The following ZMIZ1 variants were observed in gnomAD, a reference collection of about 807,000 sequenced individuals.
ZMIZ1 encodes the protein zinc finger MIZ-type containing 1.
ZMIZ1 carries 17 observed loss-of-function variants against 113.9 expected under a neutral mutation model. The ratio of observed to expected loss-of-function variants is 0.15; its 90% CI spans 0.10 to 0.22. ZMIZ1 has a LOEUF of 0.22. Ranked by LOEUF, ZMIZ1 falls within the 10% of genes least tolerant of loss-of-function variation. ZMIZ1 has a pLI of 1.00. For synonymous variants in ZMIZ1, 607 were observed against 603.1 expected (o/e 1.01, Z -0.09); for missense variants, 1,059 against 1,477.8 (o/e 0.72, Z 4.65).
At chr10:79,285,586 C>T (rs932260689) in intron 8 of ZMIZ1, 2 of 456,072 alleles carry the variant, frequency 4.4e-6, no homozygotes, top group Non-Finnish European at 4.4e-6. Context: ...TCAGGCTTAA[C>T]GAAATGGACA....
intron 1 of ZMIZ1, among the ~76,000 whole-genome samples, chr10:79,100,040 G>A (rs1174004946): frequency 6.6e-6 from 1 of 152,098 alleles, no homozygotes. Flanking sequence ...ACACCCTGAT[G>A]CTCAGAGCAC....
chr10:79,268,435 C>T (rs755372287), intron 7 of ZMIZ1, among the ~76,000 whole-genome samples: 12 of 152,340 alleles, frequency 7.9e-5, no homozygotes, highest in Admixed American at 3.3e-4. Flanking sequence ...GTTTAAAGGC[C>T]GCTGAGCGCC....
intron 7 of ZMIZ1, among the ~76,000 whole-genome samples, chr10:79,238,795 T>C (rs1849696993): frequency 6.6e-6 from 1 of 152,208 alleles, no homozygotes; most frequent in Non-Finnish European, 1.5e-5. Context: ...TTCTGTACAG[T>C]GGAAATAGCT....
chr10:79,243,873 C>G (rs1451052209), intron 7 of ZMIZ1: 1 of 157,412 alleles, frequency 6.4e-6, no homozygotes, highest in African/African-American at 2.4e-5. Context: ...GCGCCGTGTG[C>G]TGCATGGTGT....
At position 79,151,513 on chromosome 10, in the gene ZMIZ1, G is replaced by C. The variant is rs1845708520; in HGVS notation, c.-130-10540G>C. 1.3e-5 allele frequency among the ~76,000 whole-genome samples: 2 copies of C among 152,224 alleles called. 1 individual carries two copies. Among genetic ancestry groups the C allele is most frequent in the African/African-American group, 4.8e-5 (2 of 41,448 alleles). Reference sequence around the variant, plus strand: ...CACACTCATCCGGTGTTGGAGCCCTGATTCAAGAGGGGTCATGGGGCAAAG... The same window carrying C: ...CACACTCATCCGGTGTTGGAGCCCTCATTCAAGAGGGGTCATGGGGCAAAG... On this transcript the variant is annotated intron_variant, in intron 3 of 24. Transcript: ENST00000334512.
In ZMIZ1 at chr10:79,102,403, C is replaced by T. The variant is rs141006610; in HGVS notation, c.-336-16512C>T. Among the ~76,000 whole-genome samples the T allele has an allele frequency of 5.0e-4, 76 of 152,330 alleles. 2 individuals are homozygous for T. Among genetic ancestry groups the T allele is most frequent in the African/African-American group, 1.7e-3 (69 of 41,566 alleles). On this transcript the variant is annotated intron_variant, in intron 1 of 24. Coordinates refer to ENST00000334512, the MANE Select transcript of ZMIZ1 (RefSeq NM_020338.4). ...CACCCGGGAGAGAAGGCCTCCTTTG[C>T]CCCGCCCTCTGCTCCATCAGCCTCA...
In ZMIZ1 at chr10:79,069,395, CG is replaced by C. The variant is rs1842168834; in HGVS notation, c.-337+129del. The C allele has an allele frequency of 6.7e-6, 1 of 149,684 alleles. No individual in the cohort carries two copies. The highest frequency in any genetic ancestry group is 2.1e-4 in the South Asian group (1 of 4,760). 9.3% of individuals were successfully genotyped at this position (149,684 alleles called of 1,614,324 possible). A position where few individuals can be genotyped will look rare whatever the true frequency, so the allele number is the denominator to read the frequency against. The stretch of plus-strand genomic sequence containing the variant: ...TTTTCCCTTAAAGTGTCCCCCGGAG[CG>C]GGGCGACCGGCCGGCGGCGCGGGCT... On this transcript the variant is annotated intron_variant, in intron 1 of 24. Transcript: ENST00000334512. The surrounding 1 kb of genome is among the most constrained non-coding windows in gnomAD (Gnocchi z 4.6).
At chr10:79,106,834 A>G (rs1170918003) in intron 1 of ZMIZ1, among the ~76,000 whole-genome samples, 2 of 152,262 alleles carry the variant, frequency 1.3e-5, no homozygotes, top group Non-Finnish European at 2.9e-5. Flanking sequence ...ATGTAACACT[A>G]CCTCACTACA....
intron 4 of ZMIZ1, among the ~76,000 whole-genome samples, chr10:79,191,798 T>G (rs1385922342): frequency 1.3e-5 from 2 of 152,192 alleles, no homozygotes; most frequent in Non-Finnish European, 2.9e-5. Flanking sequence ...CCTAAGCAAA[T>G]CATTGCACCT....
At chr10:79,290,767 C>T (rs1589575832) in intron 9 of ZMIZ1, 192 bp from the exon 10 acceptor site, 1 of 730,636 alleles carries the variant, frequency 1.4e-6, no homozygotes, top group African/African-American at 1.7e-5. Flanking sequence ...ATCCCCCACG[C>T]CACCTGCCGC....
intron 1 of ZMIZ1, among the ~76,000 whole-genome samples, chr10:79,098,599 C>T (rs949803286): frequency 4.6e-5 from 7 of 152,226 alleles, no homozygotes; most frequent in African/African-American, 1.7e-4. Context: ...TCAGTGAACC[C>T]ACCAGTCACC....
At chr10:79,289,720 G>T in intron 8 of ZMIZ1, 55 bp from the exon 9 acceptor site, 2 of 1,541,136 alleles carry the variant, frequency 1.3e-6, no homozygotes, top group Non-Finnish European at 1.8e-6. Flanking sequence ...GGCATGGCCT[G>T]TCTTGAGTCT....
intron 7 of ZMIZ1, among the ~76,000 whole-genome samples, chr10:79,236,867 T>A (rs1240873576): frequency 6.6e-6 from 1 of 152,222 alleles, no homozygotes; most frequent in African/African-American, 2.4e-5. Flanking sequence ...ATATAACACA[T>A]CCAAAACAGA....
At chr10:79,272,239 T>G (rs889770873) in intron 7 of ZMIZ1, among the ~76,000 whole-genome samples, 2 of 151,506 alleles carry the variant, frequency 1.3e-5, no homozygotes, top group African/African-American at 4.9e-5. Context: ...TGAGCCAAGA[T>G]CGCACCACTG....
chr10:79,195,488 C>G (rs1483316515), intron 4 of ZMIZ1, among the ~76,000 whole-genome samples: 1 of 152,232 alleles, frequency 6.6e-6, no homozygotes, highest in Non-Finnish European at 1.5e-5. Context: ...TGGGCGGGAG[C>G]CCGGCCTCTC....
At chr10:79,089,082 A>G (rs1397798425) in intron 1 of ZMIZ1, among the ~76,000 whole-genome samples, 4 of 152,168 alleles carry the variant, frequency 2.6e-5, no homozygotes, top group Non-Finnish European at 4.4e-5. Context: ...TCCTGTGGAC[A>G]TGGTTGTCTG....
chr10:79,255,530 T>G (rs1224151853), intron 7 of ZMIZ1, among the ~76,000 whole-genome samples: 1 of 152,170 alleles, frequency 6.6e-6, no homozygotes, highest in African/African-American at 2.4e-5. Context: ...CATCTCTGTC[T>G]TGAGCCCGGG....
chr10:79,267,526 G>C (rs1413758965), intron 7 of ZMIZ1, among the ~76,000 whole-genome samples: 1 of 152,160 alleles, frequency 6.6e-6, no homozygotes, highest in Non-Finnish European at 1.5e-5. Context: ...AATTTAGGTG[G>C]TAGGTGCTAC....
intron 8 of ZMIZ1, chr10:79,285,681 G>C: frequency 2.3e-6 from 1 of 439,232 alleles, no homozygotes; most frequent in East Asian, 7.1e-5. Context: ...AAGGTTTCCT[G>C]AGCCCTATTG....
Sources: gnomAD v4.1 joint callset for allele counts (sites outside exome capture counted in the v4.1 genomes callset) on GRCh38, gnomAD v4.1.1 for gene constraint, Gnocchi (gnomAD v3.1) non-coding constraint, MANE v1.5 for transcripts, NCBI Gene and HGNC (gene_info 2026-07-23, HGNC 2026-07-21) for gene names.